The following FSTL5 variants were observed in gnomAD, a reference collection of about 807,000 sequenced individuals.
FSTL5 encodes the protein follistatin-related protein 5.
A neutral mutation model predicts 89.1 loss-of-function variants in FSTL5; 62 were observed. The ratio of observed to expected loss-of-function variants is 0.70; its 90% confidence interval spans 0.57 to 0.86. The LOEUF (loss-of-function observed/expected upper bound fraction) is 0.86, where lower values mean the gene tolerates loss of function less well. Ranked by LOEUF, FSTL5 falls within the 40% of genes least tolerant of loss-of-function variation. The pLI is 0.00. For synonymous variants in FSTL5, 383 were observed against 346.2 expected (o/e 1.11, Z -1.18); for missense variants, 1,057 against 1,001.6 (o/e 1.06, Z -0.75).
intron 3 of FSTL5, among the ~76,000 whole-genome samples, chr4:161,999,931 T>A (rs1006228950): frequency 6.6e-6 from 1 of 152,210 alleles, no homozygotes; most frequent in Non-Finnish European, 1.5e-5. Flanking sequence ...CACAAGCAGA[T>A]TTTTAAACAC....
intron 1 of FSTL5, among the ~76,000 whole-genome samples, chr4:162,153,637 TATATGTATATTATATATGTATATA>T (rs1733318900): frequency 8.1e-6 from 1 of 123,658 alleles, no homozygotes; most frequent in Non-Finnish European, 1.7e-5. Context: ...TATATAATAA[TATATGTATATTATATATGTATATA>T]ATATATGTAT....
intron 7 of FSTL5, among the ~76,000 whole-genome samples, chr4:161,593,500 A>AAGAGAAAG (rs1733901587): frequency 6.6e-6 from 1 of 151,892 alleles, no homozygotes; most frequent in African/African-American, 2.4e-5. Flanking sequence ...AAGATCAGAG[A>AAGAGAAAG]AGAGAAAGAG....
intron 3 of FSTL5, among the ~76,000 whole-genome samples, chr4:161,954,043 A>AT (rs1189499102): frequency 6.6e-6 from 1 of 151,642 alleles, no homozygotes; most frequent in African/African-American, 2.4e-5. Context: ...ACAAAGTATT[A>AT]TGTGTTAGAG....
chr4:161,824,948 A>G (rs1730620152), intron 4 of FSTL5, among the ~76,000 whole-genome samples: 1 of 151,984 alleles, frequency 6.6e-6, no homozygotes, highest in South Asian at 2.1e-4. Flanking sequence ...AACTGGGGAG[A>G]GTGGGCATTC....
intron 15 of FSTL5, among the ~76,000 whole-genome samples, chr4:161,408,219 T>C (rs187984769): frequency 2.6e-5 from 4 of 152,222 alleles, no homozygotes; most frequent in Admixed American, 2.0e-4. Flanking sequence ...TGCAAAGACA[T>C]ACAAAGGAAC....
chr4:161,998,840 C>T (rs928103122), intron 3 of FSTL5, among the ~76,000 whole-genome samples: 15 of 135,472 alleles, frequency 1.1e-4, no homozygotes, highest in African/African-American at 4.2e-4. Flanking sequence ...CATGGTGAAG[C>T]AGTTAAACAC....
chr4:161,945,897 AC>A (rs1479486063), intron 3 of FSTL5, among the ~76,000 whole-genome samples: 2 of 152,142 alleles, frequency 1.3e-5, no homozygotes, highest in African/African-American at 2.4e-5. Context: ...TTTATCATGT[AC>A]CCCATACATC....
chr4:161,625,072 T>C (rs1435313869), intron 7 of FSTL5, among the ~76,000 whole-genome samples: 3 of 152,124 alleles, frequency 2.0e-5, no homozygotes, highest in Non-Finnish European at 4.4e-5. Flanking sequence ...TGTTCAATAA[T>C]GGGATAACAG....
At chr4:162,034,275 T>C (rs1737649295) in intron 2 of FSTL5, among the ~76,000 whole-genome samples, 1 of 152,156 alleles carries the variant, frequency 6.6e-6, no homozygotes, top group Non-Finnish European at 1.5e-5. Context: ...CTAACAGATA[T>C]TAAATAATGC....
intron 3 of FSTL5, among the ~76,000 whole-genome samples, chr4:161,924,310 T>A (rs1359944717): frequency 1.3e-5 from 2 of 151,158 alleles, no homozygotes; most frequent in Non-Finnish European, 3.0e-5. Flanking sequence ...TCCCTATTAT[T>A]CTAAGATGGC....
intron 2 of FSTL5, among the ~76,000 whole-genome samples, chr4:162,092,589 T>C (rs1304833455): frequency 3.9e-5 from 6 of 152,128 alleles, no homozygotes; most frequent in Admixed American, 3.9e-4. Flanking sequence ...TCCTAAAGTT[T>C]GATAAGTAGA....
At chr4:161,753,876 AC>A (rs1431219567) in intron 6 of FSTL5, among the ~76,000 whole-genome samples, 1 of 151,710 alleles carries the variant, frequency 6.6e-6, no homozygotes, top group Non-Finnish European at 1.5e-5. Flanking sequence ...CCCCCTCTCT[AC>A]TAAAAATGCA....
At position 162,029,164 on chromosome 4, in the gene FSTL5, AGAGTGT is replaced by A. The variant is rs758361818; in HGVS notation, c.160+4455_160+4460del. Among the ~76,000 whole-genome samples, 174 of 96,136 alleles carry A rather than the reference AGAGTGT, an allele frequency of 1.8e-3. 1 individual carries two copies. In the Middle Eastern group the frequency reaches 0.02, roughly 11 times the overall value. 63.1% of individuals were successfully genotyped at this position (96,136 alleles called of 152,430 possible). Reference sequence around the variant, plus strand: ...ACATGAGGGAGAGAGAGAGAGAGAGAGAGTGTGTGTGTGTGTGTGTGTGCGTGTGTG... The same window carrying A: ...ACATGAGGGAGAGAGAGAGAGAGAGAGTGTGTGTGTGTGTGTGCGTGTGTG... On this transcript the variant is annotated intron_variant, in intron 3 of 15. Transcript: ENST00000306100.
At chr4:161,630,154 A>C (rs1179149540) in intron 7 of FSTL5, among the ~76,000 whole-genome samples, 1 of 152,088 alleles carries the variant, frequency 6.6e-6, no homozygotes, top group Non-Finnish European at 1.5e-5. Flanking sequence ...CAGGTCCATA[A>C]AACTGCGGGA....
chr4:162,141,865 A>G (rs974165302), intron 1 of FSTL5, among the ~76,000 whole-genome samples: 3 of 151,262 alleles, frequency 2.0e-5, no homozygotes, highest in Non-Finnish European at 3.0e-5. Context: ...GGAAGTGTAC[A>G]CAGGTAGAAA....
At position 161,940,741 on chromosome 4, in the gene FSTL5, T is replaced by C. The variant is rs191768444; in HGVS notation, c.161-20089A>G. Among the ~76,000 whole-genome samples the C allele has an allele frequency of 2.1e-3, 312 of 151,872 alleles. 1 individual carries two copies. Among genetic ancestry groups the C allele is most frequent in the African/African-American group, 7.1e-3 (295 of 41,496 alleles). Reference sequence around the variant, plus strand: ...TGTGTAAGTTTGATGCTAGTAGACCTTCACTCCAAGAAGTGCTAAAGGGAA... The same window carrying C: ...TGTGTAAGTTTGATGCTAGTAGACCCTCACTCCAAGAAGTGCTAAAGGGAA... On this transcript the variant is annotated intron_variant, in intron 3 of 15. Transcript: ENST00000306100.
chr4:161,737,720 C>T (rs1463936850), intron 6 of FSTL5, among the ~76,000 whole-genome samples: 1 of 151,812 alleles, frequency 6.6e-6, no homozygotes, highest in African/African-American at 2.4e-5. Context: ...AACTGAGAAA[C>T]ACCATTAACC....
intron 6 of FSTL5, among the ~76,000 whole-genome samples, chr4:161,755,489 T>C (rs1740537396): frequency 6.6e-6 from 1 of 152,068 alleles, no homozygotes; most frequent in Non-Finnish European, 1.5e-5. Flanking sequence ...AGGAAGTCTG[T>C]TTACCTTTGT....
At chr4:162,003,393 C>T (rs1736522952) in intron 3 of FSTL5, among the ~76,000 whole-genome samples, 1 of 152,056 alleles carries the variant, frequency 6.6e-6, no homozygotes, top group African/African-American at 2.4e-5. Context: ...ATAATGTATC[C>T]TAGATTCCTG....
Sources: gnomAD v4.1 joint callset for allele counts (sites outside exome capture counted in the v4.1 genomes callset) on GRCh38, gnomAD v4.1.1 for gene constraint, MANE v1.5 for transcripts, NCBI Gene and HGNC (gene_info 2026-07-23, HGNC 2026-07-21) for gene names.